The following ARHGAP26 variants were observed in gnomAD, a reference collection of about 807,000 sequenced individuals.
The protein encoded by ARHGAP26 is Rho GTPase activating protein 26.
In ARHGAP26, 38 loss-of-function variants were observed where a neutral mutation model predicts 104.8. The observed-to-expected ratio is 0.36, with a 90% confidence interval of 0.28 to 0.48. The LOEUF (loss-of-function observed/expected upper bound fraction) is 0.48, where lower values mean the gene tolerates loss of function less well. Ranked by LOEUF, ARHGAP26 falls within the 20% of genes least tolerant of loss-of-function variation. The probability of loss-of-function intolerance (pLI) is 0.99; values close to 1 mark genes in which losing one functional copy is unlikely to be tolerated. For synonymous variants in ARHGAP26, 341 were observed against 340.0 expected (o/e 1.00, Z -0.03); for missense variants, 704 against 947.9 (o/e 0.74, Z 3.38).
chr5:143,016,179 A>T (rs916519672), intron 12 of ARHGAP26, among the ~76,000 whole-genome samples: 20 of 152,214 alleles, frequency 1.3e-4, no homozygotes, highest in African/African-American at 3.6e-4. Context: ...TTGAAATTTT[A>T]AAAAAATTAG....
At chr5:143,173,499 C>A (rs926998972) in intron 20 of ARHGAP26, among the ~76,000 whole-genome samples, 2 of 152,182 alleles carry the variant, frequency 1.3e-5, no homozygotes, top group Admixed American at 6.5e-5. Context: ...AACGAAGTGG[C>A]TTTGCATTGT....
intron 11 of ARHGAP26, among the ~76,000 whole-genome samples, chr5:143,012,551 A>ATATATATATATATT (rs1778938160): frequency 1.6e-5 from 1 of 60,626 alleles, no homozygotes. Flanking sequence ...ATACATACAT[A>ATATATATATATATT]CATATATATA....
intron 20 of ARHGAP26, among the ~76,000 whole-genome samples, chr5:143,160,186 A>C (rs1801035715): frequency 6.6e-6 from 1 of 151,332 alleles, no homozygotes; most frequent in Non-Finnish European, 1.5e-5. Flanking sequence ...CAGCCTCCTG[A>C]ATAGCTGGGA....
chr5:142,830,919 G>C (rs1768288873), intron 1 of ARHGAP26, among the ~76,000 whole-genome samples: 1 of 152,142 alleles, frequency 6.6e-6, no homozygotes, highest in South Asian at 2.1e-4. Flanking sequence ...ATGTATGAGA[G>C]GTATGTTTTT....
intron 11 of ARHGAP26, among the ~76,000 whole-genome samples, chr5:142,956,742 G>T (rs1456714408): frequency 6.6e-6 from 1 of 152,150 alleles, no homozygotes; most frequent in Non-Finnish European, 1.5e-5. Context: ...AAAGAAAGAG[G>T]TTTAATTGGA....
At chr5:142,884,288 G>C (rs1393878504) in intron 4 of ARHGAP26, among the ~76,000 whole-genome samples, 1 of 152,208 alleles carries the variant, frequency 6.6e-6, no homozygotes, top group Non-Finnish European at 1.5e-5. Context: ...GTCACTCTCC[G>C]TGACTTTTCA....
In ARHGAP26 at chr5:143,162,947, A is replaced by G. The variant is rs147339532; in HGVS notation, c.1988+15566A>G. Reference sequence around the variant, plus strand: ...ACCAGCCTGGACAACATGACATACCATCTCTATTAAAAAAAAAAAGTTAGC... The same window carrying G: ...ACCAGCCTGGACAACATGACATACCGTCTCTATTAAAAAAAAAAAGTTAGC... On this transcript the variant is annotated intron_variant, in intron 20 of 22. Coordinates refer to ENST00000645722, the MANE Select transcript of ARHGAP26 (RefSeq NM_001135608.3). Among the ~76,000 whole-genome samples, 544 of 151,846 alleles carry G rather than the reference A, an allele frequency of 3.6e-3. 3 individuals are homozygous for G. The highest frequency in any genetic ancestry group is 0.013 in the African/African-American group (524 of 41,404).
intron 1 of ARHGAP26, among the ~76,000 whole-genome samples, chr5:142,849,220 A>G (rs534888304): frequency 1.3e-5 from 2 of 152,310 alleles, no homozygotes; most frequent in East Asian, 3.9e-4. Flanking sequence ...CACTAGCTAA[A>G]GCAATTCCAG....
intron 12 of ARHGAP26, chr5:143,014,383 T>G: frequency 1.9e-6 from 1 of 530,260 alleles, no homozygotes; most frequent in East Asian, 3.2e-5. Flanking sequence ...TCGTGTACAT[T>G]ATCTCCTTTA....
chr5:143,020,433 A>C (rs1466032376), intron 12 of ARHGAP26, among the ~76,000 whole-genome samples: 4 of 152,162 alleles, frequency 2.6e-5, no homozygotes, highest in African/African-American at 9.7e-5. Flanking sequence ...GTCATATTCA[A>C]ACCATCTACA....
Position 143,142,741 on chromosome 5 carries a change from A to T in ARHGAP26, c.1838-4490A>T, listed in dbSNP as rs7705859. 9.0e-3 allele frequency among the ~76,000 whole-genome samples: 1,373 copies of T among 152,230 alleles called. 25 individuals are homozygous for T. The highest frequency in any genetic ancestry group is 0.031 in the African/African-American group (1,296 of 41,520). ...TACTTGGGTATTTCCCAGAGATGGTAAACTCAGAAATTGCTGTGCACTCAT... is the reference window on the plus strand; with the variant it reads ...TACTTGGGTATTTCCCAGAGATGGTTAACTCAGAAATTGCTGTGCACTCAT... On this transcript the variant is annotated intron_variant, in intron 19 of 22. Coordinates refer to ENST00000645722, the MANE Select transcript of ARHGAP26 (RefSeq NM_001135608.3).
intron 11 of ARHGAP26, among the ~76,000 whole-genome samples, chr5:142,989,319 CT>C (rs961954967): frequency 2.0e-5 from 3 of 151,922 alleles, no homozygotes; most frequent in Non-Finnish European, 4.4e-5. Flanking sequence ...GCAACTCCTG[CT>C]TTTTTTTGTT....
At chr5:142,962,381 T>A (rs1417675897) in intron 11 of ARHGAP26, among the ~76,000 whole-genome samples, 1 of 152,204 alleles carries the variant, frequency 6.6e-6, no homozygotes, top group Non-Finnish European at 1.5e-5. Context: ...CTTTTGGTTT[T>A]TAACAAATAT....
At chr5:142,831,587 A>G (rs1768442071) in intron 1 of ARHGAP26, among the ~76,000 whole-genome samples, 1 of 152,028 alleles carries the variant, frequency 6.6e-6, no homozygotes, top group Non-Finnish European at 1.5e-5. Context: ...CAGATCCAAC[A>G]TGTCTCAAAC....
At chr5:142,988,771 G>C (rs1324517939) in intron 11 of ARHGAP26, among the ~76,000 whole-genome samples, 3 of 152,154 alleles carry the variant, frequency 2.0e-5, no homozygotes, top group Admixed American at 6.5e-5. Flanking sequence ...TCAGGAGCAG[G>C]TTGTTCAGTT....
At position 143,147,255 on chromosome 5, in the gene ARHGAP26, A is replaced by G. The variant is rs1799280294; in HGVS notation, c.1862A>G (p.Asn621Ser). 6.2e-7 allele frequency: 1 copy of G among 1,613,864 alleles called. No individual in the cohort carries two copies. The highest frequency in any genetic ancestry group is 1.1e-5 in the South Asian group (1 of 91,066). Reference sequence around the variant, plus strand: ...GAGGAACAAAGGAACAGCATCATCAACTCCAGTTTGGAATCTGTCTCATCA... The same window carrying G: ...GAGGAACAAAGGAACAGCATCATCAGCTCCAGTTTGGAATCTGTCTCATCA... ...EKQEQRNSII[N>S]SSLESVSSNP... Residue 621 changes from asparagine (N) to serine (S), a missense_variant, in exon 20 of 23, where the codon AAC (asparagine) becomes AGC (serine). Physicochemically the swap from Asn to Ser is conservative, Grantham distance 46. Around this residue, in one of 6 missense-constraint regions of ARHGAP26, gnomAD observed 217 missense variants for 242.6 expected, o/e 0.89. Transcript: ENST00000645722.
At chr5:143,023,990 C>G (rs1780693607) in intron 12 of ARHGAP26, among the ~76,000 whole-genome samples, 1 of 152,208 alleles carries the variant, frequency 6.6e-6, no homozygotes, top group South Asian at 2.1e-4. Flanking sequence ...TTCTAGCTCT[C>G]CCTAGGTGCT....
chr5:142,836,850 G>A (rs1769677153), intron 1 of ARHGAP26, among the ~76,000 whole-genome samples: 1 of 152,054 alleles, frequency 6.6e-6, no homozygotes, highest in Non-Finnish European at 1.5e-5. Context: ...TGGTATTATC[G>A]TACCTACTTT....
intron 17 of ARHGAP26, among the ~76,000 whole-genome samples, chr5:143,093,544 T>C (rs1431865339): frequency 6.6e-6 from 1 of 152,128 alleles, no homozygotes; most frequent in Admixed American, 6.5e-5. Context: ...CTTTCTCTCT[T>C]TGACTCCCTC....
Sources: gnomAD v4.1 joint callset for allele counts (sites outside exome capture counted in the v4.1 genomes callset) on GRCh38, gnomAD v4.1.1 for gene constraint, gnomAD v4.1.1 regional missense constraint, MANE v1.5 for transcripts, NCBI Gene and HGNC (gene_info 2026-07-23, HGNC 2026-07-21) for gene names.